Variants in VCF1 observed in about 807,000 individuals in gnomAD.
VCF1 encodes the protein VCP nuclear cofactor family member 1, also known as protein VCF1.
At chr17:73,232,343 G>A in the VCF1 span, 4 of 1,525,914 alleles carry the variant, frequency 2.6e-6, no homozygotes, top group Non-Finnish European at 3.5e-6. Context: ...TCGCGGCTGC[G>A]CAGTGGCACC....
At chr17:73,210,495 TAAAAAAA>T in the VCF1 span, among the ~76,000 whole-genome samples, 1 of 140,442 alleles carries the variant, frequency 7.1e-6, no homozygotes, top group Admixed American at 7.1e-5. Context: ...GTTCATGTTT[TAAAAAAA>T]AAAAAAAAAA....
chr17:73,208,601 G>A, the VCF1 span: 1 of 986,036 alleles, frequency 1.0e-6, no homozygotes, highest in East Asian at 2.4e-5. Flanking sequence ...GTTACTTTAA[G>A]CATCAAGTTA....
the VCF1 span, chr17:73,209,804 G>T: frequency 6.5e-7 from 1 of 1,536,352 alleles, no homozygotes; most frequent in Non-Finnish European, 8.7e-7. Context: ...GTCACAATAA[G>T]GCTGTTTTGT....
chr17:73,221,033 G>C, the VCF1 span, among the ~76,000 whole-genome samples: 4 of 150,142 alleles, frequency 2.7e-5, no homozygotes, highest in Admixed American at 1.3e-4. Flanking sequence ...TGAGTAGCTG[G>C]GATTACAGGT....
At chr17:73,208,767 CA>C in the VCF1 span, 49 of 409,544 alleles carry the variant, frequency 1.2e-4, no homozygotes, top group Non-Finnish European at 4.1e-5. Flanking sequence ...GTTTGTAGGA[CA>C]AAAAGTCATT....
chr17:73,210,115 A>G, the VCF1 span, among the ~76,000 whole-genome samples: 1 of 152,192 alleles, frequency 6.6e-6, no homozygotes, highest in Non-Finnish European at 1.5e-5. Context: ...TCATTTCAAT[A>G]ATTTCCAACC....
chr17:73,224,970 C>G, the VCF1 span, among the ~76,000 whole-genome samples: 3 of 59,894 alleles, frequency 5.0e-5, no homozygotes, highest in East Asian at 6.0e-4. Flanking sequence ...GACAGCACAG[C>G]ACAGCACAGC....
chr17:73,215,811 G>C, the VCF1 span, among the ~76,000 whole-genome samples: 1 of 152,194 alleles, frequency 6.6e-6, no homozygotes, highest in Admixed American at 6.5e-5. Context: ...CTGTGGTGAT[G>C]GGAATCCAGC....
chr17:73,211,358 A>T, the VCF1 span, among the ~76,000 whole-genome samples: 1 of 152,066 alleles, frequency 6.6e-6, no homozygotes, highest in African/African-American at 2.4e-5. Context: ...CTCATGCCTC[A>T]GGAGTTTTGA....
the VCF1 span, among the ~76,000 whole-genome samples, chr17:73,211,503 G>T: frequency 6.7e-6 from 1 of 150,234 alleles, no homozygotes; most frequent in South Asian, 2.1e-4. Flanking sequence ...GGGGGGTGGA[G>T]GTTGCAGTGA....
chr17:73,217,276 C>G, the VCF1 span, among the ~76,000 whole-genome samples: 1 of 152,162 alleles, frequency 6.6e-6, no homozygotes, highest in East Asian at 1.9e-4. Flanking sequence ...TCGCTTGAAC[C>G]CAGGAGATAG....
the VCF1 span, chr17:73,227,843 A>G: frequency 5.1e-6 from 1 of 194,270 alleles, no homozygotes; most frequent in Admixed American, 6.5e-5. Flanking sequence ...CCAGGTTTAA[A>G]GAAAAATCAC....
At chr17:73,229,819 G>C in the VCF1 span, among the ~76,000 whole-genome samples, 3 of 117,858 alleles carry the variant, frequency 2.5e-5, no homozygotes, top group African/African-American at 6.5e-5. Context: ...AGTGTGCCGA[G>C]ATCGCACCAC....
chr17:73,210,225 A>G, the VCF1 span, among the ~76,000 whole-genome samples: 8,347 of 152,256 alleles, frequency 0.055, 448 homozygotes, highest in East Asian at 0.16. Flanking sequence ...AAGCGAAGAT[A>G]AAAACTAAAA....
the VCF1 span, chr17:73,209,251 C>T: frequency 3.8e-6 from 2 of 523,250 alleles, no homozygotes; most frequent in South Asian, 2.2e-5. Context: ...GGATTCAACA[C>T]ACAGAATGAG....
At chr17:73,228,143 C>T in the VCF1 span, among the ~76,000 whole-genome samples, 1 of 152,224 alleles carries the variant, frequency 6.6e-6, no homozygotes, top group Non-Finnish European at 1.5e-5. Context: ...CTAGTGGCTA[C>T]TGCACTGACC....
At chr17:73,231,151 G>A in the VCF1 span, among the ~76,000 whole-genome samples, 1 of 152,196 alleles carries the variant, frequency 6.6e-6, no homozygotes, top group African/African-American at 2.4e-5. Flanking sequence ...GCAGCAGCTT[G>A]GGGAACCCTA....
At chr17:73,232,083 C>T in the VCF1 span, 376 of 1,602,368 alleles carry the variant, frequency 2.3e-4, 2 homozygotes, top group African/African-American at 4.4e-3. Flanking sequence ...CCTTCCCTCT[C>T]ACCTGGGACG....
chr17:73,225,792 T>C, the VCF1 span, among the ~76,000 whole-genome samples: 2 of 141,762 alleles, frequency 1.4e-5, no homozygotes, highest in Non-Finnish European at 3.2e-5. Flanking sequence ...TTCCCAACTA[T>C]TACATTAAAC....
Sources: allele counts gnomAD v4.1 joint callset (sites outside exome capture counted in the v4.1 genomes callset), GRCh38; gene constraint gnomAD v4.1.1; transcripts MANE v1.5; gene names NCBI Gene and HGNC (gene_info 2026-07-23, HGNC 2026-07-21).